Variants in SERINC5 observed in about 807,000 individuals in gnomAD.
SERINC5 encodes the protein chromosome 5 open reading frame 12.
Under a neutral mutation model 63.1 loss-of-function variants are expected in SERINC5, and 41 were observed. That is an observed-to-expected ratio of 0.65 (90% CI 0.51 to 0.84). SERINC5 has a LOEUF of 0.84. SERINC5 is among the 40% of genes least tolerant of loss of function. The pLI, the probability that SERINC5 is intolerant of heterozygous loss-of-function variation, is 0.00. For missense variants in SERINC5, 523 were observed against 573.0 expected, an observed-to-expected ratio of 0.91 and a Z score of 0.89; for synonymous variants, 222 against 215.2, an observed-to-expected ratio of 1.03 and a Z score of -0.28.
chr5:80,202,425 G>A (rs2112489329), intron 2 of SERINC5, among the ~76,000 whole-genome samples: 1 of 152,234 alleles, frequency 6.6e-6, no homozygotes, highest in Middle Eastern at 3.4e-3. Context: ...GTCCAATGAT[G>A]GACAATGATA....
chr5:80,149,213 A>G (rs1746015089), intron 9 of SERINC5, among the ~76,000 whole-genome samples: 1 of 152,208 alleles, frequency 6.6e-6, no homozygotes, highest in African/African-American at 2.4e-5. Context: ...TCTGTACACA[A>G]TAGGGACATT....
intron 2 of SERINC5, among the ~76,000 whole-genome samples, chr5:80,197,308 TGAGAGAGAGAGAGAGAGAGAGA>T (rs34195156): frequency 0.016 from 2,197 of 137,058 alleles, 71 homozygotes; most frequent in African/African-American, 0.054. Context: ...ACTCCATCTG[TGAGAGAGAGAGAGAGAGAGAGA>T]GAGAGAGAGA....
intron 1 of SERINC5, 132 bp downstream of exon 1, chr5:80,255,764 G>T: frequency 1.2e-6 from 1 of 844,002 alleles, no homozygotes; most frequent in Non-Finnish European, 1.8e-6. Context: ...CGCGGGGCCA[G>T]CCCGAGCGAC....
intron 2 of SERINC5, among the ~76,000 whole-genome samples, chr5:80,200,120 T>C (rs1000024968): frequency 2.0e-4 from 30 of 151,484 alleles, no homozygotes; most frequent in African/African-American, 6.6e-4. Context: ...ATTGTGCCAC[T>C]GCACTCTAGC....
chr5:80,151,423 G>A (rs1314081814), intron 8 of SERINC5, among the ~76,000 whole-genome samples: 2 of 152,250 alleles, frequency 1.3e-5, no homozygotes, highest in African/African-American at 4.8e-5. Context: ...GTTTGGAAGA[G>A]TAGCAGTCGA....
chr5:80,242,710 A>G (rs1247107302), intron 1 of SERINC5, among the ~76,000 whole-genome samples: 3 of 151,980 alleles, frequency 2.0e-5, no homozygotes, highest in African/African-American at 2.4e-5. Context: ...AGATCTCACC[A>G]CTGCACTCCA....
At chr5:80,132,074 T>C (rs966408983) in intron 11 of SERINC5, among the ~76,000 whole-genome samples, 2 of 152,162 alleles carry the variant, frequency 1.3e-5, no homozygotes, top group African/African-American at 2.4e-5. Context: ...GCCAGCCAGT[T>C]GAAGCCGCGG....
chr5:80,228,394 T>C (rs1270633165), intron 1 of SERINC5, among the ~76,000 whole-genome samples: 2 of 152,164 alleles, frequency 1.3e-5, no homozygotes, highest in South Asian at 2.1e-4. Context: ...GCACTTGTAG[T>C]ATGTATAAAA....
intron 1 of SERINC5, among the ~76,000 whole-genome samples, chr5:80,214,266 A>G (rs1446088531): frequency 1.3e-5 from 2 of 152,208 alleles, no homozygotes; most frequent in Non-Finnish European, 2.9e-5. Context: ...CAAAAAACAA[A>G]CTAGAAGGAT....
chr5:80,253,331 G>C (rs1434352774), intron 1 of SERINC5, among the ~76,000 whole-genome samples: 1 of 152,178 alleles, frequency 6.6e-6, no homozygotes, highest in Non-Finnish European at 1.5e-5. Flanking sequence ...CACTGCCGAA[G>C]CCTAGAACAC....
At chr5:80,165,845 G>A (rs1018038568) in intron 7 of SERINC5, among the ~76,000 whole-genome samples, 3 of 152,084 alleles carry the variant, frequency 2.0e-5, no homozygotes, top group African/African-American at 7.2e-5. Context: ...ACACCAGGAA[G>A]AATCGAAAAA....
Position 80,142,734 on chromosome 5 carries a change from G to A in SERINC5, c.*929C>T. 1 of 985,450 alleles carries A rather than the reference G, an allele frequency of 1.0e-6. No individual in the cohort carries two copies. The highest frequency in any genetic ancestry group is 1.2e-6 in the Non-Finnish European group (1 of 829,946). 61.0% of individuals were successfully genotyped at this position (985,450 alleles called of 1,614,324 possible). A position where few individuals can be genotyped will look rare whatever the true frequency, so the allele number is the denominator to read the frequency against. On this transcript the variant is annotated 3_prime_UTR_variant, in exon 12 of 12. Coordinates refer to ENST00000507668, the MANE Select transcript of SERINC5 (RefSeq NM_001174072.3). ...GGGGCTGACCTCAACAACTGAAAGA[G>A]CAGTGCATGCAGCAGGCTTCAACAC...
At chr5:80,152,491 C>CAAAA (rs199692612) in intron 8 of SERINC5, among the ~76,000 whole-genome samples, 1 of 100,040 alleles carries the variant, frequency 1.0e-5, no homozygotes, top group Non-Finnish European at 2.3e-5. Flanking sequence ...GACCCTGTCT[C>CAAAA]AAAAAAAAAA....
At chr5:80,161,046 ATATG>A (rs1554061924) in intron 7 of SERINC5, among the ~76,000 whole-genome samples, 47 of 140,984 alleles carry the variant, frequency 3.3e-4, no homozygotes, top group South Asian at 8.9e-4. Flanking sequence ...GTATATATAT[ATATG>A]TATGTATGTA....
intron 2 of SERINC5, among the ~76,000 whole-genome samples, chr5:80,182,054 G>A (rs528863755): frequency 6.6e-6 from 1 of 152,166 alleles, no homozygotes; most frequent in African/African-American, 2.4e-5. Flanking sequence ...ATTGTGTACG[G>A]TTTGCAATAC....
intron 2 of SERINC5, among the ~76,000 whole-genome samples, chr5:80,200,704 A>G (rs1019182211): frequency 1.3e-5 from 2 of 152,220 alleles, no homozygotes; most frequent in African/African-American, 4.8e-5. Flanking sequence ...GCACTATGCA[A>G]CAGAAAGCTT....
chr5:80,248,218 A>G (rs1427334903), intron 1 of SERINC5, among the ~76,000 whole-genome samples: 1 of 152,176 alleles, frequency 6.6e-6, no homozygotes, highest in East Asian at 1.9e-4. Flanking sequence ...AAATAATAAA[A>G]TCAAACTCTT....
At chr5:80,164,910 G>GTTTTT (rs70982026) in intron 7 of SERINC5, among the ~76,000 whole-genome samples, 1,389 of 85,194 alleles carry the variant, frequency 0.016, 183 homozygotes, top group African/African-American at 0.057. Flanking sequence ...CTTTTTTTCT[G>GTTTTT]TTTTTTTTTT....
intron 2 of SERINC5, among the ~76,000 whole-genome samples, chr5:80,200,546 GCT>G (rs543975458): frequency 1.4e-4 from 21 of 151,948 alleles, no homozygotes; most frequent in Non-Finnish European, 3.1e-4. Context: ...TGAATTATAA[GCT>G]CCATTTCTCG....
Sources: allele counts gnomAD v4.1 joint callset (sites outside exome capture counted in the v4.1 genomes callset), GRCh38; gene constraint gnomAD v4.1.1; transcripts MANE v1.5; gene names NCBI Gene and HGNC (gene_info 2026-07-23, HGNC 2026-07-21).